The following CTCF variants were observed in gnomAD, a reference collection of about 807,000 sequenced individuals.
CTCF encodes CCCTC-binding factor.
In CTCF, 7 loss-of-function variants were observed where a neutral mutation model predicts 72.3. The observed-to-expected ratio is 0.10, with a 90% CI of 0.06 to 0.18. The LOEUF (loss-of-function observed/expected upper bound fraction) is 0.18, where lower values mean the gene tolerates loss of function less well. CTCF is among the 10% of genes least tolerant of loss of function. The pLI is 1.00. For missense variants in CTCF, 516 were observed against 949.1 expected, an observed-to-expected ratio of 0.54 and a Z score of 6.00; for synonymous variants, 374 against 315.8, an observed-to-expected ratio of 1.18 and a Z score of -1.95.
At position 67,628,453 on chromosome 16, in the gene CTCF, G is replaced by A. The variant is rs1487140145; in HGVS notation, c.1602G>A (p.Gln534=). ...ACSHCDKTFR[Q]KQLLDMHFKR... ...GCCACTGCGATAAGACCTTCCGCCA[G>A]AAGCAGCTTCTCGACATGCACTTCA... The change falls in exon 9 of 12, where the codon CAG becomes CAA. Residue 534 remains glutamine (Q), a synonymous_variant. Coordinates refer to ENST00000264010, the MANE Select transcript of CTCF (RefSeq NM_006565.4). The A allele has an allele frequency of 6.2e-7, 1 of 1,614,234 alleles. No individual in the cohort carries two copies.
intron 2 of CTCF, among the ~76,000 whole-genome samples, chr16:67,580,821 G>A (rs2051569490): frequency 1.4e-5 from 2 of 147,372 alleles, no homozygotes; most frequent in East Asian, 2.0e-4. Context: ...TCACCATGTT[G>A]GCCAGGCTGG....
chr16:67,564,128 C>T (rs1404914014), intron 1 of CTCF, among the ~76,000 whole-genome samples: 2 of 152,188 alleles, frequency 1.3e-5, no homozygotes, highest in Admixed American at 1.3e-4. Context: ...ACCAAGTCCT[C>T]ATAGGTGGGA....
chr16:67,594,879 A>G (rs2051791476), intron 2 of CTCF, among the ~76,000 whole-genome samples: 1 of 152,198 alleles, frequency 6.6e-6, no homozygotes, highest in Non-Finnish European at 1.5e-5. Context: ...TGCTACAGTT[A>G]AAACTTGTGG....
chr16:67,605,847 GTGTC>G (rs2051966698), intron 2 of CTCF, among the ~76,000 whole-genome samples: 1 of 152,180 alleles, frequency 6.6e-6, no homozygotes, highest in East Asian at 1.9e-4. Context: ...AGTAGGAACT[GTGTC>G]TGGATGAAAA....
At position 67,628,532 on chromosome 16, in the gene CTCF, G is replaced by A; in HGVS notation, c.1681G>A (p.Gly561Arg). 1 of 1,614,084 alleles carries A rather than the reference G, an allele frequency of 6.2e-7. No individual in the cohort carries two copies. Among genetic ancestry groups the A allele is most frequent in the Non-Finnish European group, 8.5e-7 (1 of 1,179,964 alleles). The stretch of plus-strand genomic sequence containing the variant: ...TGCGGCTTTTGTCTGTTCTAAGTGT[G>A]GGAAAACATTTACACGTCGGGTAAG... ...VPAAFVCSKC[G>R]KTFTRRNTMA... Residue 561 changes from glycine (G) to arginine (R), a missense_variant, in exon 9 of 12, where the codon GGG becomes AGG. Gly to Arg is a moderately radical substitution (Grantham distance 125). This residue lies in a region of CTCF where 81 missense variants were observed against 184.3 expected (regional missense o/e 0.44). Transcript: ENST00000264010.
chr16:67,565,956 C>T (rs2051338043), intron 1 of CTCF, among the ~76,000 whole-genome samples: 1 of 152,174 alleles, frequency 6.6e-6, no homozygotes, highest in African/African-American at 2.4e-5. Context: ...CCAAAAGTCA[C>T]CTCTAGAGAC....
chr16:67,603,682 G>A (rs1013369340), intron 2 of CTCF, among the ~76,000 whole-genome samples: 3 of 151,752 alleles, frequency 2.0e-5, no homozygotes, highest in Non-Finnish European at 2.9e-5. Flanking sequence ...AAAATTAGCC[G>A]GGCGTGGTGA....
intron 10 of CTCF, among the ~76,000 whole-genome samples, chr16:67,634,423 G>T (rs1597731127): frequency 6.6e-6 from 1 of 151,444 alleles, no homozygotes; most frequent in East Asian, 1.9e-4. Context: ...GGCCTGGCTG[G>T]TCTCAAAGTC....
intron 2 of CTCF, among the ~76,000 whole-genome samples, chr16:67,604,729 G>GTTTTTT (rs2051946336): frequency 7.8e-6 from 1 of 127,868 alleles, no homozygotes; most frequent in Non-Finnish European, 1.6e-5. Flanking sequence ...ATTTCACCAG[G>GTTTTTT]GTTTTTTTTT....
At chr16:67,572,119 C>A (rs1325045165) in intron 2 of CTCF, among the ~76,000 whole-genome samples, 1 of 152,164 alleles carries the variant, frequency 6.6e-6, no homozygotes, top group Non-Finnish European at 1.5e-5. Flanking sequence ...ATCTAAATGA[C>A]TACTAAGATT....
intron 2 of CTCF, among the ~76,000 whole-genome samples, chr16:67,576,538 C>G (rs2051499208): frequency 6.7e-6 from 1 of 148,328 alleles, no homozygotes; most frequent in Admixed American, 6.8e-5. Context: ...TGATACATCC[C>G]TATAATAGAA....
At chr16:67,631,790 C>A (rs955725815) in intron 10 of CTCF, among the ~76,000 whole-genome samples, 3 of 147,274 alleles carry the variant, frequency 2.0e-5, no homozygotes, top group Admixed American at 7.1e-5. Context: ...TGTCAATTTG[C>A]AGCTGGTCAT....
chr16:67,628,617 C>T, intron 9 of CTCF, 65 bp downstream of exon 9: 1 of 1,511,492 alleles, frequency 6.6e-7, no homozygotes, highest in Non-Finnish European at 9.1e-7. Context: ...TCTTCCTCTG[C>T]AGAGCATGGT....
chr16:67,626,140 TAAGAATC>T (rs1232088962), intron 7 of CTCF, among the ~76,000 whole-genome samples: 1 of 151,938 alleles, frequency 6.6e-6, no homozygotes. Context: ...GAGTAATACT[TAAGAATC>T]AGGAGAAATG....
intron 2 of CTCF, among the ~76,000 whole-genome samples, chr16:67,579,811 A>C (rs1385779764): frequency 6.6e-6 from 1 of 152,200 alleles, no homozygotes; most frequent in Non-Finnish European, 1.5e-5. Context: ...TATTCCTAGA[A>C]GAGGGAATGG....
intron 10 of CTCF, among the ~76,000 whole-genome samples, chr16:67,631,166 T>TTTTGTTTTG (rs2052359045): frequency 8.2e-6 from 1 of 122,410 alleles, no homozygotes; most frequent in Non-Finnish European, 1.7e-5. Flanking sequence ...TTTTTTTTTG[T>TTTTGTTTTG]TTTTTGTTTT....
chr16:67,625,680 A>G (rs1461736695), intron 7 of CTCF, among the ~76,000 whole-genome samples: 12 of 152,012 alleles, frequency 7.9e-5, no homozygotes, highest in Admixed American at 7.9e-4. Flanking sequence ...CCTACTCCAG[A>G]TCTTTCTTTT....
At chr16:67,619,825 C>T (rs1365177778) in intron 5 of CTCF, among the ~76,000 whole-genome samples, 5 of 152,156 alleles carry the variant, frequency 3.3e-5, no homozygotes, top group Admixed American at 1.3e-4. Flanking sequence ...CTCAAGCAAT[C>T]GCACGCCTTG....
chr16:67,626,427 T>TG lies in CTCF; in HGVS notation c.1358-125dup, dbSNP rs1198092254. 6 of 587,968 alleles carry TG rather than the reference T, an allele frequency of 1.0e-5. No homozygotes were observed. In the African/African-American group the frequency reaches 1.3e-4, roughly 13 times the overall value. The allele number at this position is 587,968 out of a possible 1,614,324, so 36.4% of individuals were successfully genotyped here. A position where few individuals can be genotyped will look rare whatever the true frequency, so the allele number is the denominator to read the frequency against. On this transcript the variant is annotated intron_variant, in intron 7 of 11. Coordinates refer to ENST00000264010, the MANE Select transcript of CTCF (RefSeq NM_006565.4). ...GAGATTGCGCCACTGCACTCCAGCC[T>TG]GGGTGACAGAGCAAGACTCCGTCTC...
Sources: allele counts gnomAD v4.1 joint callset (sites outside exome capture counted in the v4.1 genomes callset), GRCh38; gene constraint gnomAD v4.1.1; regional missense constraint gnomAD v4.1.1; transcripts MANE v1.5; gene names NCBI Gene and HGNC (gene_info 2026-07-23, HGNC 2026-07-21).